Variants in DPYD observed in about 807,000 individuals in gnomAD.
DPYD encodes dihydropyrimidine dehydrogenase [NADP(+)].
DPYD carries 109 observed loss-of-function variants against 116.2 expected under a neutral mutation model. The ratio of observed to expected loss-of-function variants is 0.94; its 90% CI spans 0.80 to 1.10. The LOEUF is 1.10. DPYD is among the 50% of genes least tolerant of loss of function. The pLI, the probability that DPYD is intolerant of heterozygous loss-of-function variation, is 0.00. For synonymous variants in DPYD, 440 were observed against 432.0 expected (o/e 1.02, Z -0.23); for missense variants, 1,302 against 1,254.5 (o/e 1.04, Z -0.57).
At chr1:97,254,246 G>T (rs1389110900) in intron 18 of DPYD, among the ~76,000 whole-genome samples, 1 of 151,958 alleles carries the variant, frequency 6.6e-6, no homozygotes, top group Non-Finnish European at 1.5e-5. Context: ...GTACCTATTG[G>T]CTCTAGGCAT....
In DPYD at chr1:97,838,988, G is replaced by C. The variant is rs546550007; in HGVS notation, c.151-10792C>G. On this transcript the variant is annotated intron_variant, in intron 2 of 22. Coordinates refer to ENST00000370192, the MANE Select transcript of DPYD (RefSeq NM_000110.4). ...ATAGGAACTAGAATCCGTGATTTCC[G>C]CAGATCCTCATGAATCAATTTTCTG... 4.5e-4 allele frequency among the ~76,000 whole-genome samples: 68 copies of C among 152,266 alleles called. 1 individual carries two copies. The highest frequency in any genetic ancestry group is 1.3e-3 in the African/African-American group (56 of 41,548).
chr1:97,116,909 G>C (rs1652008024), intron 20 of DPYD, among the ~76,000 whole-genome samples: 1 of 151,328 alleles, frequency 6.6e-6, no homozygotes, highest in South Asian at 2.1e-4. Context: ...AGCACTTCGG[G>C]AGGCCGAGGT....
chr1:97,523,478 A>T (rs1396822949), intron 12 of DPYD, among the ~76,000 whole-genome samples: 1 of 152,046 alleles, frequency 6.6e-6, no homozygotes, highest in East Asian at 1.9e-4. Context: ...TTTTCATTTC[A>T]TTGTCATCTG....
intron 15 of DPYD, among the ~76,000 whole-genome samples, chr1:97,378,501 C>T (rs990128651): frequency 5.3e-5 from 8 of 152,106 alleles, no homozygotes; most frequent in African/African-American, 1.2e-4. Context: ...TTCTGCTGGA[C>T]CTTCCTTGTC....
At position 97,857,702 on chromosome 1, in the gene DPYD, AC is replaced by A. The variant is rs145935383; in HGVS notation, c.150+25561del. 3.1e-3 allele frequency among the ~76,000 whole-genome samples: 467 copies of A among 152,230 alleles called. 5 individuals carry two copies. The highest frequency in any genetic ancestry group is 0.011 in the African/African-American group (438 of 41,538). The stretch of plus-strand genomic sequence containing the variant: ...ATTTACAAGAAACAGGCAAGTGTAA[AC>A]AAGTGTTTCTCTGAGTCCTGTGAGC... On this transcript the variant is annotated intron_variant, in intron 2 of 22. Transcript: ENST00000370192.
intron 18 of DPYD, among the ~76,000 whole-genome samples, chr1:97,283,836 C>T (rs1206419783): frequency 1.3e-5 from 2 of 152,096 alleles, no homozygotes; most frequent in African/African-American, 4.8e-5. Context: ...GTCTACTGTA[C>T]AGTGGAACAC....
chr1:97,734,538 A>G (rs1301662249), intron 4 of DPYD, among the ~76,000 whole-genome samples: 1 of 152,110 alleles, frequency 6.6e-6, no homozygotes, highest in East Asian at 1.9e-4. Context: ...TTCCTACAAA[A>G]TCTCTGGGTT....
intron 20 of DPYD, among the ~76,000 whole-genome samples, chr1:97,173,285 T>C (rs113429766): frequency 7.6e-4 from 82 of 107,794 alleles, no homozygotes; most frequent in African/African-American, 2.7e-3. Flanking sequence ...TATGCACACA[T>C]ATATGTACAC....
chr1:97,081,926 G>T (rs1386048055), intron 22 of DPYD, among the ~76,000 whole-genome samples: 3 of 152,010 alleles, frequency 2.0e-5, no homozygotes, highest in East Asian at 1.9e-4. Flanking sequence ...GAATGGAAGA[G>T]AACTCTCTTT....
intron 12 of DPYD, among the ~76,000 whole-genome samples, chr1:97,527,131 T>G (rs1557773940): frequency 6.6e-6 from 1 of 151,004 alleles, no homozygotes; most frequent in Admixed American, 6.6e-5. Context: ...CAGGCTGGAG[T>G]GCAGTGGCGT....
At chr1:97,880,958 CATTTGTCT>C (rs1460415698) in intron 2 of DPYD, among the ~76,000 whole-genome samples, 1 of 152,008 alleles carries the variant, frequency 6.6e-6, no homozygotes, top group Admixed American at 6.6e-5. Context: ...ATTTCCCCTA[CATTTGTCT>C]CCATTGAGTA....
chr1:97,711,749 GT>G (rs1211390899), intron 5 of DPYD, among the ~76,000 whole-genome samples: 1 of 151,734 alleles, frequency 6.6e-6, no homozygotes, highest in Non-Finnish European at 1.5e-5. Flanking sequence ...TCTTTTAAGA[GT>G]TTTTTATTAT....
chr1:97,550,482 T>G (rs774125920), intron 11 of DPYD, among the ~76,000 whole-genome samples: 2 of 152,090 alleles, frequency 1.3e-5, no homozygotes, highest in Non-Finnish European at 2.9e-5. Context: ...AAGAAAAATA[T>G]CTAACGAACA....
At chr1:97,827,090 A>C (rs562497662) in intron 3 of DPYD, among the ~76,000 whole-genome samples, 3 of 152,030 alleles carry the variant, frequency 2.0e-5, no homozygotes, top group Non-Finnish European at 4.4e-5. Context: ...TTGCATGGTA[A>C]AAGGAAGGTT....
At chr1:97,155,429 T>C (rs1252708245) in intron 20 of DPYD, among the ~76,000 whole-genome samples, 1 of 152,148 alleles carries the variant, frequency 6.6e-6, no homozygotes, top group Non-Finnish European at 1.5e-5. Flanking sequence ...CTCTGAATTT[T>C]CACTCGAGTC....
intron 14 of DPYD, among the ~76,000 whole-genome samples, chr1:97,393,206 C>T (rs1199736526): frequency 2.0e-5 from 3 of 151,912 alleles, no homozygotes; most frequent in Non-Finnish European, 4.4e-5. Context: ...TCATTTCTAG[C>T]TTTGGATTAA....
intron 1 of DPYD, among the ~76,000 whole-genome samples, chr1:97,919,195 C>T (rs1571585543): frequency 6.6e-6 from 1 of 152,272 alleles, no homozygotes; most frequent in Non-Finnish European, 1.5e-5. Flanking sequence ...AAAGATGTTA[C>T]TGATTAAAGT....
chr1:97,143,989 T>C (rs1654428574), intron 20 of DPYD, among the ~76,000 whole-genome samples: 1 of 152,168 alleles, frequency 6.6e-6, no homozygotes, highest in Non-Finnish European at 1.5e-5. Flanking sequence ...AAGGAAATTA[T>C]TATTCTTGCC....
chr1:97,679,820 G>C (rs1359559909), intron 7 of DPYD, among the ~76,000 whole-genome samples: 1 of 152,066 alleles, frequency 6.6e-6, no homozygotes, highest in Non-Finnish European at 1.5e-5. Context: ...GGAACCTGCT[G>C]ACCAGGGAGG....
Sources: allele counts gnomAD v4.1 joint callset (sites outside exome capture counted in the v4.1 genomes callset), GRCh38; gene constraint gnomAD v4.1.1; transcripts MANE v1.5; gene names NCBI Gene and HGNC (gene_info 2026-07-23, HGNC 2026-07-21).